The following ASPM variants were observed in gnomAD, a reference collection of about 807,000 sequenced individuals.
ASPM encodes the protein abnormal spindle-like microcephaly-associated protein.
In ASPM, 256 loss-of-function variants were observed where a neutral mutation model predicts 366.4. The observed-to-expected ratio is 0.70, with a 90% CI of 0.63 to 0.77. The LOEUF (loss-of-function observed/expected upper bound fraction) is 0.77, where lower values mean the gene tolerates loss of function less well. Among genes scored for constraint, ASPM ranks in the 30% least tolerant of loss-of-function variants. The probability of loss-of-function intolerance (pLI) is 0.00; values close to 1 mark genes in which losing one functional copy is unlikely to be tolerated. For synonymous variants in ASPM, 1,414 were observed against 1,342.9 expected, an observed-to-expected ratio of 1.05 and a Z score of -1.16; for missense variants, 4,146 against 4,090.4, an observed-to-expected ratio of 1.01 and a Z score of -0.37.
chr1:197,127,050 C>A (rs1658110714), intron 10 of ASPM, among the ~76,000 whole-genome samples: 1 of 152,162 alleles, frequency 6.6e-6, no homozygotes, highest in East Asian at 1.9e-4. Context: ...GACAGTTCTT[C>A]AAATATCTTA....
In ASPM at chr1:197,124,866, A is replaced by C; in HGVS notation, c.3168+4T>G. 6.3e-7 allele frequency: 1 copy of C among 1,589,238 alleles called. No homozygotes were observed. The highest frequency in any genetic ancestry group is 1.1e-5 in the South Asian group (1 of 90,516). ...AAATACAAGATGTACCAAATGTATA[A>C]TACCTGAAAAGCAAACGCTATTTTC... On this transcript the variant is annotated splice_donor_region_variant and intron_variant, in intron 12 of 27. Coordinates refer to ENST00000367409, the MANE Select transcript of ASPM (RefSeq NM_018136.5).
At chr1:197,128,465 A>T in intron 10 of ASPM, 25 bp downstream of exon 10, 1 of 1,597,552 alleles carries the variant, frequency 6.3e-7, no homozygotes, top group Non-Finnish European at 8.6e-7. Flanking sequence ...CCATTAAGCA[A>T]AATAATTCTA....
Position 197,101,514 on chromosome 1 carries a change from A to G in ASPM, c.7737T>C (p.Ala2579=), listed in dbSNP as rs1657180544. ...TATATTTTTCTTGTATGATTTTTGT[A>G]GCCCACTGAAGCTTTTGGTAGAAAC... The part of the protein sequence containing the change: ...QYCFYQKLQW[A]TKIIQEKYRA... The change falls in exon 18 of 28, where the codon GCT becomes GCC. Residue 2579 remains alanine, a synonymous_variant. Transcript: ENST00000367409. The G allele has an allele frequency of 1.2e-6, 2 of 1,609,452 alleles. No homozygotes were observed. Among genetic ancestry groups the G allele is most frequent in the Admixed American group, 3.3e-5 (2 of 59,726 alleles).
At chr1:197,094,687 A>G (rs1301877061) in intron 19 of ASPM, among the ~76,000 whole-genome samples, 2 of 151,788 alleles carry the variant, frequency 1.3e-5, no homozygotes, top group Non-Finnish European at 1.5e-5. Flanking sequence ...ACAGAACTGG[A>G]GAAAAATTTT....
rs1454459065 is a variant in ASPM, at chr1:197,122,424, T to C, written c.3562A>G (p.Ser1188Gly). ...GCTTTAAGAGACATATCCAGAGAAC[T>C]GTCATCAGATTCAGATGATGAATTT... is the stretch of plus-strand genomic sequence containing the variant. ...VLNSSSESDDSSLDMSLKAFD... is the reference protein window; with the variant it reads ...VLNSSSESDDGSLDMSLKAFD... Residue 1188 changes from serine (S) to glycine (G), a missense_variant, in exon 14 of 28, where the codon AGT becomes GGT. By Grantham distance (56) the Ser-to-Gly change is moderately conservative. This residue lies in a region of ASPM where 3,624 missense variants were observed against 3,591.7 expected (regional missense o/e 1.01). Transcript: ENST00000367409. The C allele has an allele frequency of 6.2e-7, 1 of 1,613,882 alleles. No individual in the cohort carries two copies. Among genetic ancestry groups the C allele is most frequent in the Admixed American group, 1.7e-5 (1 of 59,974 alleles).
intron 12 of ASPM, among the ~76,000 whole-genome samples, 152 bp downstream of exon 12, chr1:197,124,716 CAT>C (rs143655769): frequency 4.7e-4 from 70 of 149,944 alleles, no homozygotes; most frequent in East Asian, 9.7e-4. Context: ...CATATATATA[CAT>C]ATATATATAT....
chr1:197,116,900 T>C (rs185822515), intron 17 of ASPM, among the ~76,000 whole-genome samples: 1 of 152,146 alleles, frequency 6.6e-6, no homozygotes, highest in Non-Finnish European at 1.5e-5. Flanking sequence ...AATGGCATGA[T>C]TAGCATAATG....
In ASPM at chr1:197,114,907, C is replaced by T. The variant is rs562319511; in HGVS notation, c.4065+2882G>A. On this transcript the variant is annotated intron_variant, in intron 17 of 27. Transcript: ENST00000367409. The stretch of plus-strand genomic sequence containing the variant: ...GGGATTACAGGCATGCACCCCCATG[C>T]CTAGCTAATTTCTGTATTTTTAGTG... Among the ~76,000 whole-genome samples, 260 of 152,224 alleles carry T rather than the reference C, an allele frequency of 1.7e-3. 1 individual carries two copies. The highest frequency in any genetic ancestry group is 5.8e-3 in the African/African-American group (241 of 41,568).
chr1:197,093,719 G>A (rs1558324451), intron 20 of ASPM, among the ~76,000 whole-genome samples: 1 of 151,734 alleles, frequency 6.6e-6, no homozygotes. Flanking sequence ...ATGAGACAGA[G>A]CCACAAAGTG....
At position 197,125,184 on chromosome 1, in the gene ASPM, T is replaced by C. The variant is rs530519246; in HGVS notation, c.2944A>G (p.Met982Val). The change falls in exon 11 of 28, where the codon ATG (methionine) becomes GTG (valine). Residue 982 changes from methionine (M) to valine (V), a missense_variant. Transcript: ENST00000367409. ...TCCCAGTTCTGTGTGAGAAGTTCCA[T>C]GGTTCGCCTGGCAGTAATAAAATGT... is the stretch of plus-strand genomic sequence containing the variant. ...LQCGVRLVRT[M>V]ELLTQNWDLS... 5.6e-6 allele frequency: 9 copies of C among 1,614,040 alleles called. No homozygotes were observed. Among genetic ancestry groups the C allele is most frequent in the Non-Finnish European group, 6.8e-6 (8 of 1,179,938 alleles).
intron 18 of ASPM, among the ~76,000 whole-genome samples, chr1:197,099,859 G>A (rs556997358): frequency 3.3e-4 from 50 of 151,658 alleles, no homozygotes; most frequent in African/African-American, 1.1e-3. Flanking sequence ...ATGCAACATT[G>A]GCCAAATTAC....
At chr1:197,092,911 C>T (rs1571590612) in intron 21 of ASPM, 141 bp downstream of exon 21, 1 of 778,820 alleles carries the variant, frequency 1.3e-6, no homozygotes, top group East Asian at 2.7e-5. Context: ...TGTCACTTAC[C>T]TTTCTAGCAG....
rs368034519 is a variant in ASPM, at chr1:197,092,061, A to T, written c.9295-5T>A. On this transcript the variant is annotated splice_region_variant and splice_polypyrimidine_tract_variant and intron_variant, in intron 21 of 27. Transcript: ENST00000367409. ...TTTGGCTCTCTGTTCTAAAAACTAA[A>T]GGTGAAAAAACAAAGCATATTCAAG... is the stretch of plus-strand genomic sequence containing the variant. The T allele has an allele frequency of 1.4e-5, 22 of 1,611,072 alleles. No homozygotes were observed. In the African/African-American group the frequency reaches 2.1e-4, roughly 16 times the overall value.
chr1:197,125,123 C>G lies in ASPM; in HGVS notation c.3005G>C (p.Arg1002Pro), dbSNP rs749600804. 1.9e-6 allele frequency: 3 copies of G among 1,613,776 alleles called. No individual in the cohort carries two copies. Among genetic ancestry groups the G allele is most frequent in the Admixed American group, 1.7e-5 (1 of 59,996 alleles). The change falls in exon 11 of 28, where the codon CGT becomes CCT. Residue 1002 changes from arginine (R) to proline (P), a missense_variant. This residue lies in a region of ASPM where 3,624 missense variants were observed against 3,591.7 expected (regional missense o/e 1.01). Coordinates refer to ENST00000367409, the MANE Select transcript of ASPM (RefSeq NM_018136.5). ...SKKLRIPAISRLQKMHNVDIV... is the reference protein window; with the variant it reads ...SKKLRIPAISPLQKMHNVDIV... Reference sequence around the variant, plus strand: ...GTCAACATTGTGCATCTTTTGAAGACGACTTATTGCCGGAATCCTGAGTTT... The same window carrying G: ...GTCAACATTGTGCATCTTTTGAAGAGGACTTATTGCCGGAATCCTGAGTTT...
Position 197,102,319 on chromosome 1 carries a change from A to T in ASPM, c.6932T>A (p.Val2311Glu). 1.2e-6 allele frequency: 2 copies of T among 1,612,740 alleles called. No homozygotes were observed. The highest frequency in any genetic ancestry group is 1.7e-6 in the Non-Finnish European group (2 of 1,179,260). ...CTGGATTTTAATAACTGCATTTTGTACCTGAAGGAACTGTAAGTGATGCTT... is the reference window on the plus strand; with the variant it reads ...CTGGATTTTAATAACTGCATTTTGTTCCTGAAGGAACTGTAAGTGATGCTT... ...CTKHHLQFLQ[V>E]QNAVIKIQSS... Residue 2311 changes from valine to glutamate, a missense_variant, in exon 18 of 28, where the codon GTA (valine) becomes GAA (glutamate). Physicochemically the swap from Val to Glu is moderately radical, Grantham distance 121. Coordinates refer to ENST00000367409, the MANE Select transcript of ASPM (RefSeq NM_018136.5).
rs367552461 is a variant in ASPM, at chr1:197,135,212, G to A, written c.2057C>T (p.Ala686Val). 1 of 1,613,776 alleles carries A rather than the reference G, an allele frequency of 6.2e-7. No individual in the cohort carries two copies. The highest frequency in any genetic ancestry group is 8.5e-7 in the Non-Finnish European group (1 of 1,179,912). ...DIPRHPMPFA[A>V]KNMFYDERWK... ...GCGTTCATCATAAAACATGTTTTTT[G>A]CAGCAAATGGCATCGGGTGTCTGGG... Residue 686 changes from alanine to valine, a missense_variant, in exon 5 of 28, where the codon GCA (alanine) becomes GTA (valine). Coordinates refer to ENST00000367409, the MANE Select transcript of ASPM (RefSeq NM_018136.5).
chr1:197,138,020 TATTA>T (rs1010486547), intron 4 of ASPM, among the ~76,000 whole-genome samples: 29 of 152,290 alleles, frequency 1.9e-4, no homozygotes, highest in African/African-American at 6.5e-4. Flanking sequence ...AAAATAGGCC[TATTA>T]ATTAGATTTG....
chr1:197,124,271 TTG>T lies in ASPM; in HGVS notation c.3227_3228del (p.Thr1076LysfsTer15). ...LKEEIAFLKH[T>X]KSIKKTISLL... ...AGAGATATTGTTTTCTTTATACTCTTTGTGTGTTTTAGAAAGGCAATTTCTTC... is the reference window on the plus strand; with the variant it reads ...AGAGATATTGTTTTCTTTATACTCTTTGTGTTTTAGAAAGGCAATTTCTTC... On this transcript the variant is annotated frameshift_variant, in exon 13 of 28. Coordinates refer to ENST00000367409, the MANE Select transcript of ASPM (RefSeq NM_018136.5). LOFTEE classifies it high-confidence loss of function. 1 of 1,606,928 alleles carries T rather than the reference TTG, an allele frequency of 6.2e-7. No homozygotes were observed. Among genetic ancestry groups the T allele is most frequent in the Non-Finnish European group, 8.5e-7 (1 of 1,174,370 alleles).
chr1:197,138,713 G>A, intron 4 of ASPM: 1 of 666,082 alleles, frequency 1.5e-6, no homozygotes, highest in Admixed American at 2.2e-5. Flanking sequence ...GGATGTGAAT[G>A]ATAGGGCTCT....
Sources: allele counts gnomAD v4.1 joint callset (sites outside exome capture counted in the v4.1 genomes callset), GRCh38; gene constraint gnomAD v4.1.1; regional missense constraint gnomAD v4.1.1; transcripts MANE v1.5; gene names NCBI Gene and HGNC (gene_info 2026-07-23, HGNC 2026-07-21).